The following CADM2 variants were observed in gnomAD, a reference collection of about 807,000 sequenced individuals.
CADM2 encodes the protein cell adhesion molecule 2.
In CADM2, 12 loss-of-function variants were observed where a neutral mutation model predicts 49.8. The ratio of observed to expected loss-of-function variants is 0.24; its 90% CI spans 0.15 to 0.39. CADM2 has a LOEUF of 0.39. Among genes scored for constraint, CADM2 ranks in the 10% least tolerant of loss-of-function variants. The pLI, the probability that CADM2 is intolerant of heterozygous loss-of-function variation, is 1.00. For missense variants in CADM2, 378 were observed against 492.3 expected, an observed-to-expected ratio of 0.77 and a Z score of 2.20; for synonymous variants, 214 against 175.4, an observed-to-expected ratio of 1.22 and a Z score of -1.74.
chr3:85,296,597 C>T lies in CADM2; in HGVS notation c.61+336929C>T, dbSNP rs565354149. ...AACACAGATATATTAATAAATGATACCTTAGAGTCTCACTCCTTAATCTAA... is the reference window on the plus strand; with the variant it reads ...AACACAGATATATTAATAAATGATATCTTAGAGTCTCACTCCTTAATCTAA... On this transcript the variant is annotated intron_variant, in intron 1 of 9. Transcript: ENST00000383699. Among the ~76,000 whole-genome samples the T allele has an allele frequency of 9.2e-5, 14 of 152,080 alleles. No homozygotes were observed. In the South Asian group the frequency reaches 1.5e-3, roughly 16 times the overall value.
chr3:85,693,566 C>CAAAAAAA (rs562723713), intron 1 of CADM2, among the ~76,000 whole-genome samples: 119 of 75,704 alleles, frequency 1.6e-3, no homozygotes, highest in Non-Finnish European at 2.2e-3. Context: ...GGCGAAAGAG[C>CAAAAAAA]AAAAAAAAAA....
intron 8 of CADM2, among the ~76,000 whole-genome samples, chr3:86,041,000 G>T (rs1030895374): frequency 2.0e-5 from 3 of 152,082 alleles, no homozygotes; most frequent in African/African-American, 7.2e-5. Flanking sequence ...AAGTGAAGGA[G>T]AAATAAAATA....
chr3:85,252,225 T>G (rs1294694477), intron 1 of CADM2, among the ~76,000 whole-genome samples: 1 of 152,058 alleles, frequency 6.6e-6, no homozygotes, highest in Non-Finnish European at 1.5e-5. Flanking sequence ...TTCAAATTAC[T>G]TATGTTAACA....
intron 1 of CADM2, among the ~76,000 whole-genome samples, chr3:85,211,901 T>C (rs1347997246): frequency 2.0e-5 from 3 of 152,144 alleles, no homozygotes; most frequent in Non-Finnish European, 4.4e-5. Context: ...TCCTATTGTT[T>C]TGGGGTCTGT....
intron 1 of CADM2, among the ~76,000 whole-genome samples, chr3:85,581,830 A>T (rs1326620428): frequency 2.0e-5 from 3 of 152,166 alleles, no homozygotes. Flanking sequence ...ATACTTCAAA[A>T]AAAAAAAAGG....
intron 1 of CADM2, among the ~76,000 whole-genome samples, chr3:85,040,646 T>C (rs1299300190): frequency 6.6e-6 from 1 of 152,214 alleles, no homozygotes; most frequent in African/African-American, 2.4e-5. Flanking sequence ...ATGGTTGGAA[T>C]AGATGTTCTG....
At chr3:85,979,069 C>T in intron 8 of CADM2, 2 of 1,366,578 alleles carry the variant, frequency 1.5e-6, no homozygotes, top group African/African-American at 1.4e-5. Flanking sequence ...AAAGTTAAAC[C>T]TCAATAAGTT....
intron 1 of CADM2, among the ~76,000 whole-genome samples, chr3:84,987,524 A>G (rs1430474025): frequency 1.3e-5 from 2 of 152,020 alleles, no homozygotes; most frequent in Non-Finnish European, 1.5e-5. Context: ...AGTAATATGA[A>G]TGTCTTGCCC....
intron 1 of CADM2, among the ~76,000 whole-genome samples, chr3:85,210,764 A>G (rs2041759170): frequency 6.6e-6 from 1 of 152,048 alleles, no homozygotes; most frequent in Non-Finnish European, 1.5e-5. Flanking sequence ...CTGACCTCAA[A>G]CTGCTGAGCT....
At chr3:85,652,120 TA>T (rs1321880385) in intron 1 of CADM2, among the ~76,000 whole-genome samples, 1 of 151,692 alleles carries the variant, frequency 6.6e-6, no homozygotes, top group Admixed American at 6.6e-5. Flanking sequence ...CCTGGCCAAC[TA>T]AACTTATTTT....
chr3:85,881,547 G>A (rs1272546520), intron 3 of CADM2, among the ~76,000 whole-genome samples: 2 of 152,146 alleles, frequency 1.3e-5, no homozygotes, highest in East Asian at 3.9e-4. Flanking sequence ...GGTATAACAT[G>A]CTAGTCCTAG....
intron 3 of CADM2, among the ~76,000 whole-genome samples, chr3:85,849,541 C>G (rs535363699): frequency 9.3e-4 from 141 of 152,234 alleles, no homozygotes; most frequent in Non-Finnish European, 1.7e-3. Context: ...AATTTAACAT[C>G]GTGAATGTAA....
chr3:85,289,948 T>A (rs968727236), intron 1 of CADM2, among the ~76,000 whole-genome samples: 2 of 152,186 alleles, frequency 1.3e-5, no homozygotes, highest in African/African-American at 4.8e-5. Flanking sequence ...CCAAGATGGC[T>A]GAATAGGAAC....
At chr3:85,899,096 G>A (rs1715745533) in intron 5 of CADM2, among the ~76,000 whole-genome samples, 1 of 148,894 alleles carries the variant, frequency 6.7e-6, no homozygotes, top group Admixed American at 6.7e-5. Context: ...CTCCTGAGTA[G>A]CTGGGATTAC....
chr3:85,137,293 T>G (rs1297648551), intron 1 of CADM2, among the ~76,000 whole-genome samples: 1 of 152,016 alleles, frequency 6.6e-6, no homozygotes, highest in Admixed American at 6.5e-5. Flanking sequence ...TATAAGACTT[T>G]GTGTCTTTTT....
intron 1 of CADM2, among the ~76,000 whole-genome samples, chr3:85,031,741 C>A (rs1414620593): frequency 6.6e-6 from 1 of 151,752 alleles, no homozygotes; most frequent in African/African-American, 2.4e-5. Context: ...AGGATGGTCT[C>A]GATCTGCTGA....
intron 1 of CADM2, among the ~76,000 whole-genome samples, chr3:85,137,743 G>A (rs973146286): frequency 1.3e-5 from 2 of 151,944 alleles, no homozygotes; most frequent in African/African-American, 4.8e-5. Context: ...TGATTTTGAG[G>A]CAGTTGTATT....
intron 3 of CADM2, among the ~76,000 whole-genome samples, chr3:85,843,643 G>A (rs1173635056): frequency 6.6e-6 from 1 of 151,986 alleles, no homozygotes; most frequent in African/African-American, 2.4e-5. Flanking sequence ...TTAATTAAAT[G>A]TGAGTAAAAC....
chr3:85,153,828 G>C (rs994041650), intron 1 of CADM2, among the ~76,000 whole-genome samples: 5 of 152,200 alleles, frequency 3.3e-5, no homozygotes, highest in Non-Finnish European at 5.9e-5. Context: ...AGCAGGGGCA[G>C]ACTGACACCT....
Sources: gnomAD v4.1 joint callset for allele counts (sites outside exome capture counted in the v4.1 genomes callset) on GRCh38, gnomAD v4.1.1 for gene constraint, MANE v1.5 for transcripts, NCBI Gene and HGNC (gene_info 2026-07-23, HGNC 2026-07-21) for gene names.